NCOA2: variants seen among roughly 807,000 people sequenced by gnomAD.
The protein encoded by NCOA2 is nuclear receptor coactivator 2.
In NCOA2, 21 loss-of-function variants were observed where a neutral mutation model predicts 145.1. That is an observed-to-expected ratio of 0.14 (90% confidence interval 0.10 to 0.21). The LOEUF is 0.21. NCOA2 is among the 10% of genes least tolerant of loss of function. The pLI, the probability that NCOA2 is intolerant of heterozygous loss-of-function variation, is 1.00. For synonymous variants in NCOA2, 619 were observed against 637.5 expected (o/e 0.97, Z 0.44); for missense variants, 1,472 against 1,837.6 (o/e 0.80, Z 3.64).
In NCOA2 at chr8:70,145,331, C is replaced by CTTTCTTTTTTTCTT. The variant is rs755821974; in HGVS notation, c.2606-484_2606-483insAAGAAAAAAAGAAA. ...CACTACCATGCCCGGCTAATTTTTT[C>CTTTCTTTTTTTCTT]TTTTTTTTTTTTGAGACGGAGTCTC... On this transcript the variant is annotated intron_variant, in intron 12 of 22. Coordinates refer to ENST00000452400, the MANE Select transcript of NCOA2 (RefSeq NM_006540.4). Among the ~76,000 whole-genome samples the CTTTCTTTTTTTCTT allele has an allele frequency of 1.4e-4, 20 of 146,836 alleles. No homozygotes were observed. The East Asian group carries it at 3.2e-3, about 23-fold the overall frequency.
chr8:70,162,827 G>C lies in NCOA2; in HGVS notation c.860C>G (p.Thr287Ser). ...GCCTGGTTTCATGGCTGCTCTCATG[G>C]TGCTGGTATCCAGAGACGTGATCTT... is the stretch of plus-strand genomic sequence containing the variant. ...QGKITSLDTS[T>S]MRAAMKPGWE... Residue 287 changes from threonine (T) to serine (S), a missense_variant, in exon 9 of 23, where the codon ACC becomes AGC. By Grantham distance (58) the Thr-to-Ser change is moderately conservative. This residue lies in a region of NCOA2 where 284 missense variants were observed against 467.8 expected (regional missense o/e 0.61). Coordinates refer to ENST00000452400, the MANE Select transcript of NCOA2 (RefSeq NM_006540.4). 1 of 1,613,770 alleles carries C rather than the reference G, an allele frequency of 6.2e-7. No individual in the cohort carries two copies. Among genetic ancestry groups the C allele is most frequent in the Non-Finnish European group, 8.5e-7 (1 of 1,179,840 alleles).
At chr8:70,351,955 A>G (rs1339869895) in intron 1 of NCOA2, among the ~76,000 whole-genome samples, 1 of 151,146 alleles carries the variant, frequency 6.6e-6, no homozygotes, top group Non-Finnish European at 1.5e-5. Flanking sequence ...TACATCTTGC[A>G]TATTATGCTA....
intron 1 of NCOA2, among the ~76,000 whole-genome samples, chr8:70,369,066 C>G (rs1480236106): frequency 6.6e-6 from 1 of 152,160 alleles, no homozygotes. Context: ...TATACATTTA[C>G]CCATTTCTTT....
chr8:70,256,731 A>G (rs1173738301), intron 2 of NCOA2, among the ~76,000 whole-genome samples: 1 of 152,182 alleles, frequency 6.6e-6, no homozygotes, highest in East Asian at 1.9e-4. Flanking sequence ...TTTACACATG[A>G]GGAAACTGTG....
chr8:70,125,980 A>G (rs1449772163), intron 19 of NCOA2, among the ~76,000 whole-genome samples: 1 of 152,232 alleles, frequency 6.6e-6, no homozygotes, highest in Non-Finnish European at 1.5e-5. Context: ...TTTAATTAAT[A>G]TTTAAATTAG....
At chr8:70,350,071 T>G (rs1809033132) in intron 1 of NCOA2, among the ~76,000 whole-genome samples, 1 of 152,112 alleles carries the variant, frequency 6.6e-6, no homozygotes. Context: ...AGCCAGACAC[T>G]TCATTATTTT....
chr8:70,340,089 T>C (rs759692452), intron 1 of NCOA2, among the ~76,000 whole-genome samples: 2 of 151,986 alleles, frequency 1.3e-5, no homozygotes, highest in African/African-American at 4.8e-5. Context: ...AATTGACAAA[T>C]GGGATCTAAT....
intron 1 of NCOA2, among the ~76,000 whole-genome samples, chr8:70,327,218 T>C (rs1259447086): frequency 1.3e-5 from 2 of 152,256 alleles, no homozygotes; most frequent in African/African-American, 4.8e-5. Flanking sequence ...TCTTGCCTTG[T>C]ATTCATTTGC....
chr8:70,283,211 GA>G (rs1199204211), intron 2 of NCOA2, among the ~76,000 whole-genome samples: 1 of 152,200 alleles, frequency 6.6e-6, no homozygotes, highest in African/African-American at 2.4e-5. Context: ...GCAAAAATCA[GA>G]AAACTAATGG....
chr8:70,136,339 G>A (rs965574215), intron 15 of NCOA2, among the ~76,000 whole-genome samples: 2 of 152,082 alleles, frequency 1.3e-5, no homozygotes, highest in African/African-American at 2.4e-5. Context: ...TCCAGCCTGG[G>A]CAACAAAGTG....
chr8:70,259,461 T>C (rs559073211), intron 2 of NCOA2, among the ~76,000 whole-genome samples: 3 of 152,356 alleles, frequency 2.0e-5, no homozygotes, highest in East Asian at 1.9e-4. Context: ...TGGTACATAA[T>C]GTAAACTTAA....
intron 2 of NCOA2, among the ~76,000 whole-genome samples, chr8:70,269,875 T>A (rs1011015496): frequency 2.0e-4 from 31 of 152,218 alleles, no homozygotes; most frequent in Non-Finnish European, 3.8e-4. Flanking sequence ...AAAATACATA[T>A]AACACACATT....
intron 1 of NCOA2, among the ~76,000 whole-genome samples, chr8:70,372,843 T>A (rs1811341112): frequency 6.6e-6 from 1 of 152,202 alleles, no homozygotes; most frequent in Non-Finnish European, 1.5e-5. Flanking sequence ...TTGTCCCTGT[T>A]CTTAAGATTC....
chr8:70,183,864 C>T (rs1439960082), intron 4 of NCOA2, among the ~76,000 whole-genome samples: 2 of 152,118 alleles, frequency 1.3e-5, no homozygotes, highest in African/African-American at 4.8e-5. Context: ...TTATTTGCTG[C>T]CTGGCACATA....
At chr8:70,347,196 A>T (rs1808742287) in intron 1 of NCOA2, among the ~76,000 whole-genome samples, 1 of 152,142 alleles carries the variant, frequency 6.6e-6, no homozygotes, top group South Asian at 2.1e-4. Flanking sequence ...AAAAATACAA[A>T]AAAATCGGCT....
chr8:70,293,369 A>T (rs1375680069), intron 2 of NCOA2, among the ~76,000 whole-genome samples: 1 of 152,212 alleles, frequency 6.6e-6, no homozygotes, highest in African/African-American at 2.4e-5. Flanking sequence ...TTTGAAATGT[A>T]TTTCAACCAT....
chr8:70,389,404 C>T (rs557172559), intron 1 of NCOA2, among the ~76,000 whole-genome samples: 2 of 152,130 alleles, frequency 1.3e-5, no homozygotes, highest in East Asian at 1.9e-4. Context: ...CCTCAGCCTC[C>T]GGAGTAGCTG....
intron 6 of NCOA2, 145 bp downstream of exon 6, chr8:70,170,057 A>G: frequency 1.4e-6 from 1 of 719,084 alleles, no homozygotes; most frequent in Non-Finnish European, 2.2e-6. Context: ...ACACACAAGC[A>G]TCTGTAAAAA....
At chr8:70,317,174 CA>C (rs1389604958) in intron 1 of NCOA2, among the ~76,000 whole-genome samples, 2 of 152,160 alleles carry the variant, frequency 1.3e-5, no homozygotes, top group Non-Finnish European at 2.9e-5. Flanking sequence ...TCAGAATTCA[CA>C]AAGATTTGGA....
Sources: gnomAD v4.1 joint callset for allele counts (sites outside exome capture counted in the v4.1 genomes callset) on GRCh38, gnomAD v4.1.1 for gene constraint, gnomAD v4.1.1 regional missense constraint, MANE v1.5 for transcripts, NCBI Gene and HGNC (gene_info 2026-07-23, HGNC 2026-07-21) for gene names.